The following RBFOX1 variants were observed in gnomAD, a reference collection of about 807,000 sequenced individuals.
The protein encoded by RBFOX1 is RNA binding protein fox-1 homolog 1.
A neutral mutation model predicts 57.7 loss-of-function variants in RBFOX1; 8 were observed. The ratio of observed to expected loss-of-function variants is 0.14; its 90% confidence interval spans 0.08 to 0.25. The LOEUF (loss-of-function observed/expected upper bound fraction) is 0.25. Ranked by LOEUF, RBFOX1 falls within the 10% of genes least tolerant of loss-of-function variation. The probability of loss-of-function intolerance (pLI) is 1.00; values close to 1 mark genes in which losing one functional copy is unlikely to be tolerated. For missense variants in RBFOX1, 611 were observed against 548.5 expected (o/e 1.11, Z -1.14); for synonymous variants, 326 against 222.4 (o/e 1.47, Z -4.15).
chr16:7,709,816 C>G (rs1396400179), intron 15 of RBFOX1: 2 of 1,260,840 alleles, frequency 1.6e-6, no homozygotes, highest in East Asian at 8.6e-5. Context: ...CTTGTTCAAA[C>G]TTCTATGCAC....
chr16:6,414,931 G>A (rs936218753), intron 2 of RBFOX1, among the ~76,000 whole-genome samples: 1 of 151,986 alleles, frequency 6.6e-6, no homozygotes, highest in Non-Finnish European at 1.5e-5. Flanking sequence ...GAATGAACCG[G>A]TCCCAATATC....
chr16:7,603,246 A>C (rs1208458222), intron 9 of RBFOX1, among the ~76,000 whole-genome samples: 1 of 152,206 alleles, frequency 6.6e-6, no homozygotes, highest in Non-Finnish European at 1.5e-5. Flanking sequence ...GAGCCAAAAA[A>C]AAATTTGTCT....
chr16:6,523,883 A>G (rs1190679901), intron 2 of RBFOX1, among the ~76,000 whole-genome samples: 1 of 152,194 alleles, frequency 6.6e-6, no homozygotes, highest in East Asian at 1.9e-4. Flanking sequence ...TTATGAGTAC[A>G]TAATAGGTAT....
intron 4 of RBFOX1, among the ~76,000 whole-genome samples, chr16:7,335,136 A>G (rs2144654146): frequency 6.6e-6 from 1 of 152,338 alleles, no homozygotes; most frequent in East Asian, 1.9e-4. Context: ...GAGAAAGGGC[A>G]GTGCAAAGGG....
intron 3 of RBFOX1, among the ~76,000 whole-genome samples, chr16:6,918,123 A>T (rs1003448954): frequency 6.6e-6 from 1 of 152,118 alleles, no homozygotes; most frequent in Non-Finnish European, 1.5e-5. Context: ...CCCTGTCTCT[A>T]CTAAAAATGC....
At position 6,521,191 on chromosome 16, in the gene RBFOX1, T is replaced by C. The variant is rs2096490553; in HGVS notation, c.-63-133412T>C. On this transcript the variant is annotated intron_variant, in intron 2 of 15. Coordinates refer to ENST00000550418, the MANE Select transcript of RBFOX1 (RefSeq NM_018723.4). ...AAGAAAAATACCTAACAATGGGTAT[T>C]GCTTAAATTATAGCAAATAGACATT... 2.6e-5 allele frequency among the ~76,000 whole-genome samples: 4 copies of C among 152,238 alleles called. No individual in the cohort carries two copies. The South Asian group carries it at 8.3e-4, about 32-fold the overall frequency.
At chr16:5,343,931 T>A (rs1342537369) in intron 1 of RBFOX1, among the ~76,000 whole-genome samples, 1 of 152,196 alleles carries the variant, frequency 6.6e-6, no homozygotes, top group Non-Finnish European at 1.5e-5. Flanking sequence ...TGCTTGTGTC[T>A]CTTTCAGGAC....
At chr16:5,391,025 A>G (rs542301419) in intron 1 of RBFOX1, among the ~76,000 whole-genome samples, 4 of 152,304 alleles carry the variant, frequency 2.6e-5, no homozygotes, top group African/African-American at 9.6e-5. Context: ...AGCTCAACCA[A>G]CAGGGTACAG....
At chr16:5,657,496 G>T (rs549260261) in intron 3 of RBFOX1, among the ~76,000 whole-genome samples, 10 of 152,228 alleles carry the variant, frequency 6.6e-5, no homozygotes, top group Non-Finnish European at 1.3e-4. Context: ...CGACTCTAGG[G>T]TTTAAAGTAT....
intron 2 of RBFOX1, among the ~76,000 whole-genome samples, chr16:6,550,344 T>A (rs2096967315): frequency 6.6e-6 from 1 of 152,130 alleles, no homozygotes; most frequent in South Asian, 2.1e-4. Context: ...GCCCAGCTAA[T>A]TTTTATATTT....
chr16:6,842,115 C>T (rs2093500362), intron 3 of RBFOX1, among the ~76,000 whole-genome samples: 1 of 151,244 alleles, frequency 6.6e-6, no homozygotes, highest in South Asian at 2.1e-4. Flanking sequence ...TGCACTCCAG[C>T]CTGGGTGACA....
intron 1 of RBFOX1, among the ~76,000 whole-genome samples, chr16:6,156,561 G>T (rs959627935): frequency 6.6e-6 from 1 of 152,180 alleles, no homozygotes; most frequent in Non-Finnish European, 1.5e-5. Flanking sequence ...GTTGTGTGGG[G>T]AGCTGTTGAG....
At chr16:5,914,669 G>A (rs1403503557) in intron 4 of RBFOX1, among the ~76,000 whole-genome samples, 2 of 152,216 alleles carry the variant, frequency 1.3e-5, no homozygotes, top group Non-Finnish European at 2.9e-5. Flanking sequence ...GGCCCAGGCG[G>A]GCGGATCACG....
intron 4 of RBFOX1, among the ~76,000 whole-genome samples, chr16:5,905,955 C>T (rs1222562548): frequency 6.6e-6 from 1 of 152,182 alleles, no homozygotes; most frequent in Non-Finnish European, 1.5e-5. Flanking sequence ...TGGGAATTGG[C>T]TGCCCAAAGC....
chr16:6,613,380 G>C (rs539374346), intron 2 of RBFOX1, among the ~76,000 whole-genome samples: 18 of 152,204 alleles, frequency 1.2e-4, no homozygotes, highest in Non-Finnish European at 1.8e-4. Flanking sequence ...ATCCATATGA[G>C]AATGCCTAGG....
intron 2 of RBFOX1, among the ~76,000 whole-genome samples, chr16:6,531,993 C>G (rs530048474): frequency 1.3e-5 from 2 of 152,268 alleles, no homozygotes; most frequent in East Asian, 3.9e-4. Flanking sequence ...GGTAGCATGA[C>G]AGGCACCAAG....
At position 7,708,999 on chromosome 16, in the gene RBFOX1, G is replaced by C. The variant is rs1052665668; in HGVS notation, c.996-57G>C. 2.0e-6 allele frequency: 3 copies of C among 1,508,466 alleles called. No individual in the cohort carries two copies. In the South Asian group the frequency reaches 3.4e-5, roughly 17 times the overall value. 93.4% of individuals were successfully genotyped at this position (1,508,466 alleles called of 1,614,324 possible). On this transcript the variant is annotated intron_variant, in intron 14 of 15. Coordinates refer to ENST00000550418, the MANE Select transcript of RBFOX1 (RefSeq NM_018723.4). ...TCTTGGTATTTTGGATTTTATGATT[G>C]TTATTGTTTTGTAATTGCATACTGT...
At chr16:7,315,869 A>G (rs188343517) in intron 4 of RBFOX1, among the ~76,000 whole-genome samples, 6 of 152,250 alleles carry the variant, frequency 3.9e-5, no homozygotes, top group East Asian at 1.9e-4. Context: ...CATCTGCTCT[A>G]TTGTTTACTT....
intron 1 of RBFOX1, among the ~76,000 whole-genome samples, chr16:6,202,489 A>T (rs1455120343): frequency 1.3e-5 from 2 of 152,202 alleles, no homozygotes; most frequent in Non-Finnish European, 2.9e-5. Flanking sequence ...CAAGAACTTA[A>T]GACAAAGGCT....
Sources: allele counts gnomAD v4.1 joint callset (sites outside exome capture counted in the v4.1 genomes callset), GRCh38; gene constraint gnomAD v4.1.1; transcripts MANE v1.5; gene names NCBI Gene and HGNC (gene_info 2026-07-23, HGNC 2026-07-21).